CSMD1: variants seen among roughly 807,000 people sequenced by gnomAD.
CSMD1 encodes the protein CUB and Sushi multiple domains 1, also known as CUB and sushi domain-containing protein 1.
A neutral mutation model predicts 417.5 loss-of-function variants in CSMD1; 213 were observed. That is an observed-to-expected ratio of 0.51 (90% CI 0.46 to 0.57). The LOEUF is 0.57. Ranked by LOEUF, CSMD1 falls within the 20% of genes least tolerant of loss-of-function variation. The pLI, the probability that CSMD1 is intolerant of heterozygous loss-of-function variation, is 0.00. For synonymous variants in CSMD1, 2,862 were observed against 1,736.8 expected (o/e 1.65, Z -16.11); for missense variants, 6,923 against 4,529.7 (o/e 1.53, Z -15.17).
chr8:3,752,461 C>T (rs189807501), intron 6 of CSMD1, among the ~76,000 whole-genome samples: 72 of 152,126 alleles, frequency 4.7e-4, no homozygotes, highest in African/African-American at 1.6e-3. Flanking sequence ...TCAAGACCAG[C>T]CTGGCCAACA....
chr8:2,966,495 T>C, intron 58 of CSMD1, 75 bp downstream of exon 58: 1 of 1,397,176 alleles, frequency 7.2e-7, no homozygotes, highest in Non-Finnish European at 9.8e-7. Flanking sequence ...GTATAACACC[T>C]TAAAGTCATT....
chr8:3,445,232 G>C (rs1815223954), intron 12 of CSMD1, among the ~76,000 whole-genome samples: 1 of 152,176 alleles, frequency 6.6e-6, no homozygotes, highest in Non-Finnish European at 1.5e-5. Flanking sequence ...ATTTTCAGTA[G>C]TCTGGGTTAC....
chr8:4,955,571 T>G (rs577883562), intron 1 of CSMD1, among the ~76,000 whole-genome samples: 20 of 152,154 alleles, frequency 1.3e-4, no homozygotes, highest in Admixed American at 9.2e-4. Flanking sequence ...CTCTCCTGCC[T>G]CAGCCTCCCG....
chr8:4,924,673 G>A (rs1420697376), intron 1 of CSMD1, among the ~76,000 whole-genome samples: 1 of 116,304 alleles, frequency 8.6e-6, no homozygotes, highest in Non-Finnish European at 1.6e-5. Flanking sequence ...AGTGAGCCGA[G>A]ATCGCACCAT....
intron 3 of CSMD1, among the ~76,000 whole-genome samples, chr8:4,246,777 G>A (rs763798237): frequency 5.9e-5 from 9 of 152,106 alleles, no homozygotes; most frequent in Non-Finnish European, 1.3e-4. Context: ...GATTTTTTAA[G>A]ACATTTGAAA....
At chr8:3,708,672 G>C (rs922665833) in intron 6 of CSMD1, among the ~76,000 whole-genome samples, 181 bp from the exon 7 acceptor site, 3 of 152,090 alleles carry the variant, frequency 2.0e-5, no homozygotes, top group African/African-American at 7.2e-5. Context: ...ATTATTGTGA[G>C]GCTATCAAGC....
chr8:3,673,937 G>A (rs73495797), intron 7 of CSMD1, among the ~76,000 whole-genome samples: 2,905 of 152,116 alleles, frequency 0.019, 100 homozygotes, highest in African/African-American at 0.066. Flanking sequence ...GGGCAACATG[G>A]CACAATCATG....
At chr8:4,379,266 T>C (rs1012070911) in intron 3 of CSMD1, among the ~76,000 whole-genome samples, 1 of 152,062 alleles carries the variant, frequency 6.6e-6, no homozygotes, top group African/African-American at 2.4e-5. Flanking sequence ...TTTTAAAAAA[T>C]AGGTGACCAG....
intron 2 of CSMD1, among the ~76,000 whole-genome samples, chr8:4,484,151 G>T (rs1197879464): frequency 6.6e-6 from 1 of 151,680 alleles, no homozygotes; most frequent in East Asian, 1.9e-4. Context: ...GATTTGTGGA[G>T]GCCGCTTCCC....
At chr8:4,613,803 A>T (rs888705127) in intron 2 of CSMD1, among the ~76,000 whole-genome samples, 2 of 151,078 alleles carry the variant, frequency 1.3e-5, no homozygotes, top group African/African-American at 4.9e-5. Context: ...ACTGGGATTC[A>T]CATGGGAAAT....
At chr8:3,767,124 G>A (rs185894525) in intron 5 of CSMD1, among the ~76,000 whole-genome samples, 3 of 152,204 alleles carry the variant, frequency 2.0e-5, no homozygotes, top group Admixed American at 1.3e-4. Flanking sequence ...GTGGGGTTCC[G>A]CTGAGGCTGC....
chr8:3,326,228 C>T (rs1341577130), intron 23 of CSMD1, among the ~76,000 whole-genome samples: 1 of 152,194 alleles, frequency 6.6e-6, no homozygotes, highest in East Asian at 1.9e-4. Flanking sequence ...GATAAAACAT[C>T]ATATTAAACT....
chr8:4,506,759 G>A (rs1656304019), intron 2 of CSMD1, among the ~76,000 whole-genome samples: 2 of 152,086 alleles, frequency 1.3e-5, no homozygotes, highest in South Asian at 4.1e-4. Context: ...GGTTAAATAA[G>A]CATAAATGCT....
intron 1 of CSMD1, among the ~76,000 whole-genome samples, chr8:4,716,370 C>G (rs749777548): frequency 5.3e-5 from 8 of 152,188 alleles, no homozygotes; most frequent in African/African-American, 1.2e-4. Flanking sequence ...AGTGACTGAT[C>G]ACTGAATTTG....
At chr8:3,948,109 G>C (rs887614765) in intron 5 of CSMD1, among the ~76,000 whole-genome samples, 3 of 152,126 alleles carry the variant, frequency 2.0e-5, no homozygotes, top group Non-Finnish European at 4.4e-5. Context: ...CGGAGGATGA[G>C]GCAGGATAAC....
chr8:4,673,582 G>C (rs939371059), intron 1 of CSMD1, among the ~76,000 whole-genome samples: 1 of 152,108 alleles, frequency 6.6e-6, no homozygotes, highest in African/African-American at 2.4e-5. Context: ...CTTGTGCTTG[G>C]GGGAAACTCT....
At chr8:3,981,500 T>TAAAAAAAAAAAAAAAAAAAAAA (rs200296436) in intron 5 of CSMD1, among the ~76,000 whole-genome samples, 2 of 115,074 alleles carry the variant, frequency 1.7e-5, no homozygotes, top group South Asian at 2.8e-4. Context: ...TAGAAAAAAG[T>TAAAAAAAAAAAAAAAAAAAAAA]AAAAAAAAAA....
chr8:3,459,140 G>C (rs1294696731), intron 12 of CSMD1, among the ~76,000 whole-genome samples: 2 of 152,260 alleles, frequency 1.3e-5, no homozygotes, highest in East Asian at 1.9e-4. Context: ...ACAGCACCCT[G>C]TGGCTCTTGA....
At chr8:3,136,877 G>C (rs189850077) in intron 41 of CSMD1, among the ~76,000 whole-genome samples, 24 of 152,178 alleles carry the variant, frequency 1.6e-4, no homozygotes, top group Non-Finnish European at 3.4e-4. Context: ...TATCTGCAGT[G>C]ACATGAATTG....
Sources: gnomAD v4.1 joint callset for allele counts (sites outside exome capture counted in the v4.1 genomes callset) on GRCh38, gnomAD v4.1.1 for gene constraint, MANE v1.5 for transcripts, NCBI Gene and HGNC (gene_info 2026-07-23, HGNC 2026-07-21) for gene names.